Variants in SCN10A observed in about 807,000 individuals in gnomAD.
SCN10A encodes sodium channel protein type 10 subunit alpha.
SCN10A carries 162 observed loss-of-function variants against 170.7 expected under a neutral mutation model. The observed-to-expected ratio is 0.95, with a 90% CI of 0.84 to 1.08. The LOEUF is 1.08. Ranked by LOEUF, SCN10A falls within the 50% of genes least tolerant of loss-of-function variation. The probability of loss-of-function intolerance (pLI) is 0.00; values close to 1 mark genes in which losing one functional copy is unlikely to be tolerated. For missense variants in SCN10A, 2,527 were observed against 2,436.9 expected (o/e 1.04, Z -0.78); for synonymous variants, 985 against 904.6 (o/e 1.09, Z -1.59).
intron 24 of SCN10A, among the ~76,000 whole-genome samples, 179 bp from the exon 25 acceptor site, chr3:38,709,794 G>T (rs377606777): frequency 2.0e-5 from 3 of 152,322 alleles, no homozygotes; most frequent in African/African-American, 7.2e-5. Flanking sequence ...CCTGTGAAGA[G>T]GATGTTGTTA....
intron 21 of SCN10A, among the ~76,000 whole-genome samples, chr3:38,717,150 A>T (rs2063341890): frequency 6.6e-6 from 1 of 152,194 alleles, no homozygotes; most frequent in South Asian, 2.1e-4. Context: ...AGAATAAAAG[A>T]TTGGGCAGAA....
chr3:38,714,863 C>A (rs1266903188), intron 21 of SCN10A, among the ~76,000 whole-genome samples: 1 of 152,080 alleles, frequency 6.6e-6, no homozygotes. Context: ...TTGAAGGTGC[C>A]AGGGAGATGT....
At chr3:38,770,879 A>C (rs76104186) in intron 5 of SCN10A, among the ~76,000 whole-genome samples, 4,265 of 152,252 alleles carry the variant, frequency 0.028, 210 homozygotes, top group African/African-American at 0.096. Context: ...GGGAGTGCCT[A>C]CAAGGCACTT....
chr3:38,738,534 G>A (rs1446022247), intron 15 of SCN10A, among the ~76,000 whole-genome samples: 1 of 152,074 alleles, frequency 6.6e-6, no homozygotes, highest in African/African-American at 2.4e-5. Context: ...TCAACCTCTG[G>A]ATGCCAACAC....
At chr3:38,779,786 AT>A (rs1442363759) in intron 4 of SCN10A, among the ~76,000 whole-genome samples, 1 of 151,808 alleles carries the variant, frequency 6.6e-6, no homozygotes, top group Non-Finnish European at 1.5e-5. Flanking sequence ...TTTAAGAGAG[AT>A]TTTTAAAAAT....
At chr3:38,758,219 A>G (rs1343486486) in intron 8 of SCN10A, among the ~76,000 whole-genome samples, 1 of 152,140 alleles carries the variant, frequency 6.6e-6, no homozygotes, top group Non-Finnish European at 1.5e-5. Context: ...CTCCACTTCG[A>G]TTGAAGATTG....
chr3:38,767,120 C>A (rs957580459), intron 5 of SCN10A, among the ~76,000 whole-genome samples: 1 of 151,578 alleles, frequency 6.6e-6, no homozygotes, highest in Admixed American at 6.6e-5. Flanking sequence ...TGGATCTTCT[C>A]TCTTCTTTTC....
chr3:38,729,283 T>A (rs1005929500), intron 15 of SCN10A, among the ~76,000 whole-genome samples: 9 of 152,146 alleles, frequency 5.9e-5, no homozygotes, highest in African/African-American at 2.2e-4. Flanking sequence ...AGCTTATTTA[T>A]GACTGAAGAG....
chr3:38,801,408 G>A lies in SCN10A; in HGVS notation c.-32-7366C>T, dbSNP rs773919628. Among the ~76,000 whole-genome samples the A allele has an allele frequency of 3.3e-4, 50 of 152,236 alleles. 1 individual carries two copies. Among genetic ancestry groups the A allele is most frequent in the Middle Eastern group, 3.4e-3 (1 of 294 alleles). On this transcript the variant is annotated intron_variant, in intron 1 of 27. Coordinates refer to ENST00000449082, the MANE Select transcript of SCN10A (RefSeq NM_006514.4). Reference sequence around the variant, plus strand: ...TAAGAGAAAACTAAGAACCAATGAAGGTCTGTGCTTACTGTGATATAAAGA... The same window carrying A: ...TAAGAGAAAACTAAGAACCAATGAAAGTCTGTGCTTACTGTGATATAAAGA...
rs1422171625 is a variant in SCN10A at position 38,752,371 on chromosome 3, C to G, written c.1603G>C (p.Gly535Arg). Residue 535 changes from glycine (G) to arginine (R), a missense_variant, in exon 12 of 28, where the codon GGC becomes CGC. Coordinates refer to ENST00000449082, the MANE Select transcript of SCN10A (RefSeq NM_006514.4). ...VFPGDHESHR[G>R]SLLLGGGAGQ... is the part of the protein sequence containing the mutation. ...GCACCCCCACCCAGCAGCAGAGAGC[C>G]CCGATGGCTTTCGTGGTCTCCAGGA... 2 of 1,613,974 alleles carry G rather than the reference C, an allele frequency of 1.2e-6. No individual in the cohort carries two copies. Among genetic ancestry groups the G allele is most frequent in the African/African-American group, 2.7e-5 (2 of 75,044 alleles).
intron 15 of SCN10A, among the ~76,000 whole-genome samples, chr3:38,736,395 G>GTGTGTGTGTA: frequency 6.8e-6 from 1 of 147,620 alleles, no homozygotes; most frequent in Non-Finnish European, 1.5e-5. Flanking sequence ...GTGTGTGTGT[G>GTGTGTGTGTA]TGTGTGTGTG....
intron 15 of SCN10A, among the ~76,000 whole-genome samples, chr3:38,732,563 T>TA (rs36057862): frequency 0.24 from 37,162 of 152,120 alleles, 4,723 homozygotes; most frequent in African/African-American, 0.28. Flanking sequence ...TGAAAAAAGG[T>TA]ATTGCCTTTT....
In SCN10A at chr3:38,763,593, A is replaced by T; in HGVS notation, c.603T>A (p.Tyr201Ter). The change falls in exon 6 of 28, where the codon TAT (tyrosine) becomes TAA (stop). Residue 201 changes from tyrosine to a stop codon, truncating the protein, a stop_gained. Transcript: ENST00000449082. LOFTEE classifies it high-confidence loss of function. The part of the protein sequence containing the change: ...WLDFSVITLA[Y>*]VGTAIDLRGI... ...CACGGAGATCTATTGCTGTGCCAAC[A>T]TATCTGTAGGACCAGAAGTTAGTCA... The T allele has an allele frequency of 6.2e-7, 1 of 1,613,372 alleles. No individual in the cohort carries two copies.
intron 20 of SCN10A, among the ~76,000 whole-genome samples, chr3:38,722,039 G>A (rs1290192827): frequency 1.3e-5 from 2 of 152,222 alleles, no homozygotes; most frequent in African/African-American, 4.8e-5. Flanking sequence ...AATGCTTGCA[G>A]CCAGGTTTGG....
intron 11 of SCN10A, among the ~76,000 whole-genome samples, chr3:38,752,938 A>C (rs552946000): frequency 2.0e-5 from 3 of 152,204 alleles, no homozygotes; most frequent in Non-Finnish European, 4.4e-5. Context: ...ATACTTGGTA[A>C]GTGGTTGTTG....
intron 8 of SCN10A, among the ~76,000 whole-genome samples, chr3:38,757,966 G>C (rs1183424474): frequency 1.3e-5 from 2 of 152,202 alleles, no homozygotes; most frequent in Non-Finnish European, 2.9e-5. Flanking sequence ...CCCTAGCAGA[G>C]ATGGCCTGAT....
At chr3:38,780,658 T>G (rs555899416) in intron 4 of SCN10A, among the ~76,000 whole-genome samples, 1 of 152,258 alleles carries the variant, frequency 6.6e-6, no homozygotes, top group Non-Finnish European at 1.5e-5. Flanking sequence ...CTTTTTTTTT[T>G]GCTAATGACT....
intron 21 of SCN10A, among the ~76,000 whole-genome samples, chr3:38,717,301 T>C (rs1437477130): frequency 6.6e-6 from 1 of 151,380 alleles, no homozygotes; most frequent in Non-Finnish European, 1.5e-5. Flanking sequence ...AAAGGTGAAA[T>C]GTATGGAAGG....
In SCN10A at chr3:38,712,246, T is replaced by C. The variant is rs1188093260; in HGVS notation, c.4004A>G (p.Gln1335Arg). The C allele has an allele frequency of 6.2e-7, 1 of 1,614,214 alleles. No individual in the cohort carries two copies. The highest frequency in any genetic ancestry group is 8.5e-7 in the Non-Finnish European group (1 of 1,180,020). The part of the protein sequence containing the change: ...IVNNKSDCKI[Q>R]NSTGSFFWVN... ...CCAGAAGAAGCTGCCAGTGGAGTTT[T>C]GAATCTTGCAGTCAGACTTGTTATT... The change falls in exon 23 of 28, where the codon CAA becomes CGA. Residue 1335 changes from glutamine (Q) to arginine (R), a missense_variant. Coordinates refer to ENST00000449082, the MANE Select transcript of SCN10A (RefSeq NM_006514.4).
Sources: allele counts gnomAD v4.1 joint callset (sites outside exome capture counted in the v4.1 genomes callset), GRCh38; gene constraint gnomAD v4.1.1; transcripts MANE v1.5; gene names NCBI Gene and HGNC (gene_info 2026-07-23, HGNC 2026-07-21).